VRK2: variants seen among roughly 807,000 people sequenced by gnomAD.
VRK2 encodes serine/threonine-protein kinase VRK2.
Under a neutral mutation model 57.6 loss-of-function variants are expected in VRK2, and 60 were observed. The ratio of observed to expected loss-of-function variants is 1.04; its 90% CI spans 0.85 to 1.29. The LOEUF is 1.29. Among genes scored for constraint, VRK2 ranks in the 50% most tolerant of loss-of-function variants. VRK2 has a pLI of 0.00. For missense variants in VRK2, 705 were observed against 588.1 expected, an observed-to-expected ratio of 1.20 and a Z score of -2.06; for synonymous variants, 231 against 199.2, an observed-to-expected ratio of 1.16 and a Z score of -1.35.
At chr2:58,023,647 T>A (rs1354965410) in intron 1 of VRK2, among the ~76,000 whole-genome samples, 1 of 151,664 alleles carries the variant, frequency 6.6e-6, no homozygotes, top group East Asian at 1.9e-4. Flanking sequence ...AATTTGAAAG[T>A]GAAATCAAGG....
intron 1 of VRK2, among the ~76,000 whole-genome samples, chr2:57,947,634 G>T (rs983068159): frequency 6.6e-6 from 1 of 152,076 alleles, no homozygotes; most frequent in African/African-American, 2.4e-5. Context: ...GTAACTCTTA[G>T]TTCAACACAG....
At chr2:58,082,583 A>G (rs1352676683) in intron 2 of VRK2, among the ~76,000 whole-genome samples, 1 of 151,762 alleles carries the variant, frequency 6.6e-6, no homozygotes, top group East Asian at 1.9e-4. Flanking sequence ...CACTTCTTCT[A>G]TACCAAGACT....
upstream of VRK2, chr2:58,046,413 T>A: frequency 3.4e-6 from 3 of 876,348 alleles, no homozygotes; most frequent in Non-Finnish European, 4.1e-6. Context: ...AATAGTTAGT[T>A]GCTCGGCGAG....
intron 3 of VRK2, among the ~76,000 whole-genome samples, chr2:58,035,930 A>C (rs1175526163): frequency 6.6e-6 from 1 of 152,062 alleles, no homozygotes; most frequent in Non-Finnish European, 1.5e-5. Flanking sequence ...GAACTATATA[A>C]ATGGGGAATT....
At chr2:58,151,734 T>C (rs376886086) in intron 12 of VRK2, among the ~76,000 whole-genome samples, 1,071 of 76,718 alleles carry the variant, frequency 0.014, 15 homozygotes, top group African/African-American at 0.059. Context: ...TATGCTTGTT[T>C]TTTTTTTTTT....
chr2:58,058,329 G>T (rs1227046002), intron 2 of VRK2: 1 of 469,698 alleles, frequency 2.1e-6, no homozygotes, highest in Non-Finnish European at 4.4e-6. Flanking sequence ...GAAACAAACT[G>T]TCTTTTGTTA....
intron 1 of VRK2, among the ~76,000 whole-genome samples, chr2:57,941,259 A>G (rs1335865312): frequency 6.6e-6 from 1 of 152,188 alleles, no homozygotes; most frequent in Non-Finnish European, 1.5e-5. Flanking sequence ...GTCAGCTCCC[A>G]AATTTCAGTG....
chr2:58,098,064 G>A (rs1673416981), intron 7 of VRK2, among the ~76,000 whole-genome samples: 1 of 151,812 alleles, frequency 6.6e-6, no homozygotes, highest in African/African-American at 2.4e-5. Flanking sequence ...TTCACCATGT[G>A]TAGGTCTAGG....
rs893366723 is a variant in VRK2 at position 58,117,542 on chromosome 2, G to A, written c.544-5559G>A. On this transcript the variant is annotated intron_variant, in intron 7 of 12. Coordinates refer to ENST00000340157, the MANE Select transcript of VRK2 (RefSeq NM_006296.7). ...TGGGGTTGGGACTGAGGGGACAGGC[G>A]GGAGGGAAAGAAGGAAGATTTGGGA... is the stretch of plus-strand genomic sequence containing the variant. Among the ~76,000 whole-genome samples the A allele has an allele frequency of 3.9e-5, 6 of 152,160 alleles. No individual in the cohort carries two copies. In the East Asian group the frequency reaches 5.8e-4, roughly 15 times the overall value.
chr2:58,123,015 A>T (rs1677754324), intron 7 of VRK2, 86 bp from the exon 8 acceptor site: 1 of 1,491,982 alleles, frequency 6.7e-7, no homozygotes, highest in East Asian at 2.5e-5. Flanking sequence ...GCTGTTCTTA[A>T]CCTATCAGTT....
At chr2:58,142,766 T>TA (rs1226706075) in intron 11 of VRK2, among the ~76,000 whole-genome samples, 1 of 151,912 alleles carries the variant, frequency 6.6e-6, no homozygotes, top group Non-Finnish European at 1.5e-5. Context: ...AAGGCCCCAT[T>TA]ACGACCCTTG....
chr2:58,098,126 TA>T (rs967676872), intron 7 of VRK2, among the ~76,000 whole-genome samples: 1 of 151,338 alleles, frequency 6.6e-6, no homozygotes, highest in Admixed American at 6.6e-5. Context: ...TTTAAAAAAA[TA>T]AAAAAGAAAA....
At chr2:58,002,216 C>T (rs1673111087) in intron 1 of VRK2, among the ~76,000 whole-genome samples, 1 of 152,162 alleles carries the variant, frequency 6.6e-6, no homozygotes, top group African/African-American at 2.4e-5. Context: ...CGTGGTGGTT[C>T]ACGCCTGTAA....
At chr2:58,153,998 T>C (rs1683421670) in intron 12 of VRK2, among the ~76,000 whole-genome samples, 1 of 152,168 alleles carries the variant, frequency 6.6e-6, no homozygotes, top group East Asian at 1.9e-4. Context: ...TGCATTTTTA[T>C]TATTTCATCT....
chr2:57,941,875 A>G (rs747254702), intron 1 of VRK2, among the ~76,000 whole-genome samples: 37 of 152,228 alleles, frequency 2.4e-4, no homozygotes, highest in Non-Finnish European at 4.1e-4. Context: ...AACCTGTTTA[A>G]TGTTAGGGCA....
At chr2:58,119,616 A>G (rs1677117232) in intron 7 of VRK2, among the ~76,000 whole-genome samples, 2 of 151,616 alleles carry the variant, frequency 1.3e-5, no homozygotes, top group Admixed American at 6.6e-5. Context: ...CTTCTTATGT[A>G]TAGTTTCTAC....
At chr2:58,094,468 C>T (rs1573062561) in intron 7 of VRK2, among the ~76,000 whole-genome samples, 1 of 151,650 alleles carries the variant, frequency 6.6e-6, no homozygotes, top group South Asian at 2.1e-4. Context: ...TCTCTGTTTG[C>T]TGTTGGTGTA....
intron 1 of VRK2, among the ~76,000 whole-genome samples, chr2:57,932,426 T>C (rs753762596): frequency 6.6e-6 from 1 of 152,170 alleles, no homozygotes; most frequent in African/African-American, 2.4e-5. Flanking sequence ...ATTCATCTTA[T>C]TGATTATCTT....
chr2:58,125,703 A>G (rs1268765268), intron 8 of VRK2, among the ~76,000 whole-genome samples: 1 of 152,134 alleles, frequency 6.6e-6, no homozygotes, highest in African/African-American at 2.4e-5. Context: ...ATATATATAT[A>G]TGTAGATACA....
Sources: allele counts gnomAD v4.1 joint callset (sites outside exome capture counted in the v4.1 genomes callset), GRCh38; gene constraint gnomAD v4.1.1; transcripts MANE v1.5; gene names NCBI Gene and HGNC (gene_info 2026-07-23, HGNC 2026-07-21).